TYW5: variants seen among roughly 807,000 people sequenced by gnomAD.
The protein encoded by TYW5 is tRNA-yW synthesizing protein 5.
Under a neutral mutation model 44.4 loss-of-function variants are expected in TYW5, and 36 were observed. That is an observed-to-expected ratio of 0.81 (90% CI 0.62 to 1.07). The LOEUF (loss-of-function observed/expected upper bound fraction) is 1.07, where lower values mean the gene tolerates loss of function less well. TYW5 is among the 50% of genes least tolerant of loss of function. The pLI is 0.00. For missense variants in TYW5, 354 were observed against 365.7 expected, an observed-to-expected ratio of 0.97 and a Z score of 0.26; for synonymous variants, 121 against 128.1, an observed-to-expected ratio of 0.94 and a Z score of 0.37.
chr2:199,949,796 T>C (rs1383042109), intron 1 of TYW5, among the ~76,000 whole-genome samples: 5 of 152,216 alleles, frequency 3.3e-5, no homozygotes, highest in Non-Finnish European at 7.3e-5. Context: ...CCATCATTTC[T>C]TCTACATTTA....
rs777462685 is a variant in TYW5 at position 199,955,444 on chromosome 2, G to A, written c.27C>T (p.Pro9=). 3 of 1,613,906 alleles carry A rather than the reference G, an allele frequency of 1.9e-6. 1 individual carries two copies. The highest frequency in any genetic ancestry group is 2.2e-5 in the East Asian group (1 of 44,874). The change falls in exon 1 of 8, where the codon CCC becomes CCT. Residue 9 remains proline (P), a synonymous_variant. Transcript: ENST00000354611. MAGQHLPV[P]RLEGVSREQF... ...GCTCCCGAGAAACGCCCTCCAGCCG[G>A]GGTACCGGGAGGTGCTGCCCGGCCA...
intron 3 of TYW5, chr2:199,942,620 G>A (rs966258033): frequency 6.6e-6 from 1 of 152,052 alleles, no homozygotes; most frequent in Non-Finnish European, 1.5e-5. Flanking sequence ...CAGTTCTCAG[G>A]TGCAGCTAAT....
rs80155830 is a variant in TYW5 at position 199,951,279 on chromosome 2, T to C, written c.79-2807A>G. Among the ~76,000 whole-genome samples the C allele has an allele frequency of 1.0e-3, 156 of 152,336 alleles. 1 individual carries two copies. The East Asian group carries it at 0.028, about 27-fold the overall frequency. On this transcript the variant is annotated intron_variant, in intron 1 of 7. Coordinates refer to ENST00000354611, the MANE Select transcript of TYW5 (RefSeq NM_001039693.3). ...CTGAGAACGTTAAATGAGGACTTAC[T>C]GTACTAACTAGAATTCAGTTTGTTT... is the stretch of plus-strand genomic sequence containing the variant.
chr2:199,935,309 G>T (rs1216520902), intron 7 of TYW5, among the ~76,000 whole-genome samples: 2 of 151,608 alleles, frequency 1.3e-5, no homozygotes, highest in Non-Finnish European at 2.9e-5. Context: ...TTTATAGGTT[G>T]CCCTTGAAAG....
chr2:199,950,344 G>T (rs938294473), intron 1 of TYW5, among the ~76,000 whole-genome samples: 1 of 152,060 alleles, frequency 6.6e-6, no homozygotes, highest in Non-Finnish European at 1.5e-5. Flanking sequence ...TTAATGACTT[G>T]CAAAATCCCA....
At position 199,936,470 on chromosome 2, in the gene TYW5, T is replaced by A. The variant is rs773476265; in HGVS notation, c.509A>T (p.Gln170Leu). 8 of 1,613,244 alleles carry A rather than the reference T, an allele frequency of 5.0e-6. 1 individual carries two copies. The South Asian group carries it at 8.8e-5, about 18-fold the overall frequency. ...HYDVMDNLLI[Q>L]VTGKKRVVLF... ...TACAACACGCTTTTTTCCTGTCACTTGTATTAACAAATTATCCATTACCTG... is the reference window on the plus strand; with the variant it reads ...TACAACACGCTTTTTTCCTGTCACTAGTATTAACAAATTATCCATTACCTG... Residue 170 changes from glutamine (Q) to leucine (L), a missense_variant, in exon 6 of 8, where the codon CAA (glutamine) becomes CTA (leucine). Transcript: ENST00000354611.
chr2:199,955,372 T>C, intron 1 of TYW5, 21 bp downstream of exon 1: 1 of 1,611,868 alleles, frequency 6.2e-7, no homozygotes, highest in East Asian at 2.2e-5. Flanking sequence ...CTCGAGGTTC[T>C]GCCCCGCGCG....
At chr2:199,946,999 G>A (rs2077508547) in intron 2 of TYW5, 1 of 152,134 alleles carries the variant, frequency 6.6e-6, no homozygotes, top group Non-Finnish European at 1.5e-5. Context: ...ATCATTAACT[G>A]CCAGCTGAAA....
chr2:199,943,992 T>C, intron 2 of TYW5, 158 bp from the exon 3 acceptor site: 1 of 539,210 alleles, frequency 1.9e-6, no homozygotes, highest in Non-Finnish European at 3.2e-6. Flanking sequence ...ATTCTAACTT[T>C]TCAAAACTTA....
rs2077362773 is a variant in TYW5 at position 199,929,985 on chromosome 2, TTTTTTTTTGA to T, written c.*3072_*3081del. On this transcript the variant is annotated 3_prime_UTR_variant, in exon 8 of 8. Coordinates refer to ENST00000354611, the MANE Select transcript of TYW5 (RefSeq NM_001039693.3). ...TGCATATAATATTTTTTTTTTTTTT[TTTTTTTTTGA>T]GACAGGGTCTCACTCTGTCACCCAG... 6.5e-6 allele frequency: 1 copy of T among 154,302 alleles called. No individual in the cohort carries two copies. Among genetic ancestry groups the T allele is most frequent in the Non-Finnish European group, 1.4e-5 (1 of 72,378 alleles). 9.6% of individuals were successfully genotyped at this position (154,302 alleles called of 1,614,324 possible).
intron 7 of TYW5, among the ~76,000 whole-genome samples, chr2:199,935,002 TATC>T (rs1410947207): frequency 6.6e-6 from 1 of 151,980 alleles, no homozygotes; most frequent in Non-Finnish European, 1.5e-5. Context: ...GAAAGATACT[TATC>T]ATTTTTTTTT....
At chr2:199,941,286 C>T (rs1018679560) in intron 3 of TYW5, among the ~76,000 whole-genome samples, 9 of 152,154 alleles carry the variant, frequency 5.9e-5, no homozygotes, top group East Asian at 1.9e-4. Context: ...AGTGATCCTC[C>T]GGTGTTGGCC....
chr2:199,949,303 G>C (rs1279676500), intron 1 of TYW5, among the ~76,000 whole-genome samples: 1 of 152,194 alleles, frequency 6.6e-6, no homozygotes, highest in African/African-American at 2.4e-5. Context: ...AGGAGGCGGA[G>C]GTTGCAGTGA....
At chr2:199,933,450 C>T (rs761146444) in intron 7 of TYW5, 127 bp from the exon 8 acceptor site, 2 of 758,042 alleles carry the variant, frequency 2.6e-6, no homozygotes, top group South Asian at 1.9e-5. Flanking sequence ...CAGATCCCTT[C>T]GTTAGCACAC....
chr2:199,947,240 T>C (rs1435291287), intron 2 of TYW5: 1 of 152,230 alleles, frequency 6.6e-6, no homozygotes, highest in East Asian at 1.9e-4. Context: ...TTAACTCATC[T>C]CTAAATTGAA....
In TYW5 at chr2:199,940,092, T is replaced by C. The variant is rs1574799042; in HGVS notation, c.345A>G (p.Arg115=). ...YYLRSLGEDP[R]KDVADIRKQF... ...GTTTTACATTTAGAATTCTTACCTT[T>C]CTAGGGTCTTCTCCAAGTGACCGTA... Residue 115 remains arginine (R), a synonymous_variant, in exon 4 of 8, where the codon AGA becomes AGG. Transcript: ENST00000354611. 1.9e-6 allele frequency: 3 copies of C among 1,612,492 alleles called. No homozygotes were observed. The highest frequency in any genetic ancestry group is 2.7e-5 in the African/African-American group (2 of 74,866).
At chr2:199,947,516 A>G (rs574942687) in intron 2 of TYW5, 1 of 152,360 alleles carries the variant, frequency 6.6e-6, no homozygotes, top group Admixed American at 6.5e-5. Context: ...AGACTATTTT[A>G]TCAAAAGGGA....
rs1304758371 is a variant in TYW5, at chr2:199,943,681, T to G, written c.303+84A>C. 3.7e-6 allele frequency: 4 copies of G among 1,082,750 alleles called. No homozygotes were observed. The East Asian group carries it at 1.0e-4, about 27-fold the overall frequency. 67.1% of individuals were successfully genotyped at this position (1,082,750 alleles called of 1,614,324 possible). ...GTCTATCAGAGACGGCTGTTGCTCT[T>G]GTGTATCTACTATTCTTTCATAAGA... On this transcript the variant is annotated intron_variant, in intron 3 of 7. Coordinates refer to ENST00000354611, the MANE Select transcript of TYW5 (RefSeq NM_001039693.3).
chr2:199,955,277 G>C (rs2077587555), intron 1 of TYW5, 116 bp downstream of exon 1: 2 of 1,195,560 alleles, frequency 1.7e-6, no homozygotes, highest in Non-Finnish European at 1.2e-6. Flanking sequence ...ATCTGCTGCC[G>C]TCCTGCGCCT....
Sources: gnomAD v4.1 joint callset for allele counts (sites outside exome capture counted in the v4.1 genomes callset) on GRCh38, gnomAD v4.1.1 for gene constraint, MANE v1.5 for transcripts, NCBI Gene and HGNC (gene_info 2026-07-23, HGNC 2026-07-21) for gene names.